ZDHHC4: variants seen among roughly 807,000 people sequenced by gnomAD.
ZDHHC4 encodes the protein zDHHC palmitoyltransferase 4.
ZDHHC4 carries 42 observed loss-of-function variants against 36.7 expected under a neutral mutation model. That is an observed-to-expected ratio of 1.14 (90% CI 0.89 to 1.48). ZDHHC4 has a LOEUF of 1.48. ZDHHC4 is among the 40% of genes most tolerant of loss of function. The pLI is 0.00. For missense variants in ZDHHC4, 457 were observed against 421.5 expected (o/e 1.08, Z -0.74); for synonymous variants, 189 against 166.6 (o/e 1.13, Z -1.03).
rs960920457 is a variant in ZDHHC4 at position 6,581,537 on chromosome 7, G to C, written c.118-70G>C. 25 of 1,175,708 alleles carry C rather than the reference G, an allele frequency of 2.1e-5. No homozygotes were observed. The Middle Eastern group carries it at 5.8e-4, about 27-fold the overall frequency. The allele number at this position is 1,175,708 out of a possible 1,614,324, so 72.8% of individuals were successfully genotyped here. On this transcript the variant is annotated intron_variant, in intron 3 of 7. Transcript: ENST00000335965. ...ACCCAGATTGCCAGCTGTATGTGGA[G>C]TGTCTGATTTGTTTGGGAGTGGAGG...
Position 6,588,807 on chromosome 7 carries a change from A to T in ZDHHC4, c.932A>T (p.Glu311Val). Residue 311 changes from glutamate to valine, a missense_variant, in exon 8 of 8, where the codon GAG becomes GTG. Physicochemically the swap from Glu to Val is moderately radical, Grantham distance 121 (BLOSUM62 -2). Transcript: ENST00000335965. ...CTTGTGGCCTGGCCTCCGTCAGCAG[A>T]GCCCCAAGTCCACCGGAACATTCAC... ...CPLVAWPPSA[E>V]PQVHRNIHSH... 1 of 1,614,144 alleles carries T rather than the reference A, an allele frequency of 6.2e-7. No individual in the cohort carries two copies. Among genetic ancestry groups the T allele is most frequent in the South Asian group, 1.1e-5 (1 of 91,076 alleles).
At position 6,588,854 on chromosome 7, in the gene ZDHHC4, C is replaced by G. The variant is rs781653397; in HGVS notation, c.979C>G (p.Leu327Val). 9.3e-6 allele frequency: 15 copies of G among 1,612,632 alleles called. No individual in the cohort carries two copies. Among genetic ancestry groups the G allele is most frequent in the Non-Finnish European group, 1.3e-5 (15 of 1,178,828 alleles). Residue 327 changes from leucine to valine, a missense_variant, in exon 8 of 8, where the codon CTT becomes GTT. Leu to Val is a conservative substitution (Grantham distance 32, BLOSUM62 1). Transcript: ENST00000335965. ...TCACTCCCATGGGCTTCGGAGCAACCTTCAAGAGATCTTTCTACCTGCCTT... is the reference window on the plus strand; with the variant it reads ...TCACTCCCATGGGCTTCGGAGCAACGTTCAAGAGATCTTTCTACCTGCCTT... ...NIHSHGLRSN[L>V]QEIFLPAFPC...
chr7:6,588,941 C>A lies in ZDHHC4; in HGVS notation c.*31C>A, dbSNP rs1281556729. The A allele has an allele frequency of 4.4e-6, 7 of 1,583,338 alleles. No homozygotes were observed. In the Admixed American group the frequency reaches 8.6e-5, roughly 19 times the overall value. ...GTATGACTGCCTTTGAGCTGTAGTT[C>A]CCGTTTATTTACACATGTGGATCCT... On this transcript the variant is annotated 3_prime_UTR_variant, in exon 8 of 8. Coordinates refer to ENST00000335965, the MANE Select transcript of ZDHHC4 (RefSeq NM_001134389.2).
At position 6,588,827 on chromosome 7, in the gene ZDHHC4, A is replaced by G. The variant is rs758655645; in HGVS notation, c.952A>G (p.Ile318Val). The G allele has an allele frequency of 6.2e-7, 1 of 1,614,184 alleles. No individual in the cohort carries two copies. The highest frequency in any genetic ancestry group is 1.1e-5 in the South Asian group (1 of 91,080). The part of the protein sequence containing the change: ...PSAEPQVHRN[I>V]HSHGLRSNLQ... The stretch of plus-strand genomic sequence containing the variant: ...AGCAGAGCCCCAAGTCCACCGGAAC[A>G]TTCACTCCCATGGGCTTCGGAGCAA... Residue 318 changes from isoleucine (I) to valine (V), a missense_variant, in exon 8 of 8, where the codon ATT (isoleucine) becomes GTT (valine). Transcript: ENST00000335965.
intron 6 of ZDHHC4, 185 bp from the exon 7 acceptor site, chr7:6,584,830 AC>A: frequency 5.3e-6 from 4 of 747,860 alleles, no homozygotes; most frequent in Non-Finnish European, 6.3e-6. Context: ...AGTGCTCAAT[AC>A]CCACATTTGG....
chr7:6,589,120 A>G lies in ZDHHC4; in HGVS notation c.*210A>G, dbSNP rs1781486617. 1.7e-6 allele frequency: 1 copy of G among 586,176 alleles called. No homozygotes were observed. Among genetic ancestry groups the G allele is most frequent in the Non-Finnish European group, 3.0e-6 (1 of 336,986 alleles). 36.3% of individuals were successfully genotyped at this position (586,176 alleles called of 1,614,324 possible). A position where few individuals can be genotyped will look rare whatever the true frequency, so the allele number is the denominator to read the frequency against. ...GGGCATCTCTGAAGTCCTGGTGTCA[A>G]GGGGATCAAGAGATGACTTCTCAGA... On this transcript the variant is annotated 3_prime_UTR_variant, in exon 8 of 8. Transcript: ENST00000335965.
Position 6,583,326 on chromosome 7 carries a change from G to A in ZDHHC4, c.391G>A (p.Glu131Lys). The A allele has an allele frequency of 2.5e-6, 4 of 1,613,776 alleles. No homozygotes were observed. Among genetic ancestry groups the A allele is most frequent in the Non-Finnish European group, 3.4e-6 (4 of 1,179,892 alleles). Residue 131 changes from glutamate to lysine, a missense_variant, in exon 6 of 8, where the codon GAA (glutamate) becomes AAA (lysine). By Grantham distance (56) the Glu-to-Lys change is moderately conservative. Coordinates refer to ENST00000335965, the MANE Select transcript of ZDHHC4 (RefSeq NM_001134389.2). ...CCCAGGCATTATAACAAAAGCAAAT[G>A]AATTATTATTTCTTCATGTTTATGA... is the stretch of plus-strand genomic sequence containing the variant. ...TNPGIITKANELLFLHVYEFD... is the reference protein window; with the variant it reads ...TNPGIITKANKLLFLHVYEFD...
chr7:6,588,950 T>A lies in ZDHHC4; in HGVS notation c.*40T>A, dbSNP rs569242853. On this transcript the variant is annotated 3_prime_UTR_variant, in exon 8 of 8. Transcript: ENST00000335965. ...CCTTTGAGCTGTAGTTCCCGTTTAT[T>A]TACACATGTGGATCCTCGTTTTCCA... is the stretch of plus-strand genomic sequence containing the variant. 1 of 1,578,152 alleles carries A rather than the reference T, an allele frequency of 6.3e-7. No homozygotes were observed. Among genetic ancestry groups the A allele is most frequent in the South Asian group, 1.1e-5 (1 of 87,940 alleles).
At chr7:6,577,955 C>T (rs1206999566) in intron 1 of ZDHHC4, among the ~76,000 whole-genome samples, 1 of 152,132 alleles carries the variant, frequency 6.6e-6, no homozygotes, top group Non-Finnish European at 1.5e-5. Context: ...TCAGCCTCCC[C>T]AGTAGCTTGG....
chr7:6,580,384 A>G (rs1431911602), intron 2 of ZDHHC4, among the ~76,000 whole-genome samples, 171 bp from the exon 3 acceptor site: 1 of 152,144 alleles, frequency 6.6e-6, no homozygotes, highest in Non-Finnish European at 1.5e-5. Context: ...ATGTGTGCCT[A>G]AGAATTGGTG....
At chr7:6,587,116 C>G (rs1781295918) in intron 7 of ZDHHC4, among the ~76,000 whole-genome samples, 1 of 151,146 alleles carries the variant, frequency 6.6e-6, no homozygotes, top group Admixed American at 6.6e-5. Flanking sequence ...ACCATCACAG[C>G]TCACTATGAC....
chr7:6,585,393 G>A (rs1781172403), intron 7 of ZDHHC4, 133 bp downstream of exon 7: 1 of 1,281,272 alleles, frequency 7.8e-7, no homozygotes, highest in Non-Finnish European at 1.1e-6. Context: ...GGAGGCCGAG[G>A]TGGGAGGATC....
intron 1 of ZDHHC4, 81 bp downstream of exon 1, chr7:6,577,579 C>G (rs1276332346): frequency 6.6e-6 from 1 of 152,324 alleles, no homozygotes; most frequent in Non-Finnish European, 1.5e-5. Flanking sequence ...TCCCTTTCCC[C>G]TTGTGTGTAG....
chr7:6,586,416 T>C (rs917127850), intron 7 of ZDHHC4, among the ~76,000 whole-genome samples: 3 of 152,208 alleles, frequency 2.0e-5, no homozygotes, highest in African/African-American at 7.2e-5. Flanking sequence ...TCTTTTCCAC[T>C]GGCTTCTTTC....
intron 2 of ZDHHC4, among the ~76,000 whole-genome samples, chr7:6,579,862 G>T (rs1007825096): frequency 6.6e-6 from 1 of 152,138 alleles, no homozygotes; most frequent in African/African-American, 2.4e-5. Flanking sequence ...TTGGGCAGGT[G>T]CAGTGGCTCA....
At chr7:6,585,386 G>A in intron 7 of ZDHHC4, 126 bp downstream of exon 7, 1 of 1,328,440 alleles carries the variant, frequency 7.5e-7, no homozygotes, top group Admixed American at 2.5e-5. Flanking sequence ...CACTTTTGGA[G>A]GCCGAGGTGG....
chr7:6,588,125 A>G (rs912699567), intron 7 of ZDHHC4, among the ~76,000 whole-genome samples: 1 of 152,188 alleles, frequency 6.6e-6, no homozygotes, highest in African/African-American at 2.4e-5. Context: ...TCGGCCTCCC[A>G]AAATGCTGGG....
chr7:6,586,734 C>T lies in ZDHHC4; in HGVS notation c.741+1474C>T, dbSNP rs184900128. Among the ~76,000 whole-genome samples, 17 of 152,314 alleles carry T rather than the reference C, an allele frequency of 1.1e-4. No homozygotes were observed. In the East Asian group the frequency reaches 3.3e-3, roughly 29 times the overall value. On this transcript the variant is annotated intron_variant, in intron 7 of 7. Coordinates refer to ENST00000335965, the MANE Select transcript of ZDHHC4 (RefSeq NM_001134389.2). Reference sequence around the variant, plus strand: ...CAAGTGATCCACCCGCCTCGGCCTCCCAAAGTGCTGGGATTACAGGCATGA... The same window carrying T: ...CAAGTGATCCACCCGCCTCGGCCTCTCAAAGTGCTGGGATTACAGGCATGA...
In ZDHHC4 at chr7:6,580,623, T is replaced by C. The variant is rs759836722; in HGVS notation, c.62T>C (p.Ile21Thr). ...TCGGTGCTGATGGGTCTTGTTCTTA[T>C]CTGCGTCTGCTCGAAAACCCATAGC... is the stretch of plus-strand genomic sequence containing the variant. ...LASVLMGLVL[I>T]CVCSKTHSLK... Residue 21 changes from isoleucine to threonine, a missense_variant, in exon 3 of 8, where the codon ATC becomes ACC. Transcript: ENST00000335965. 7.6e-5 allele frequency: 122 copies of C among 1,614,040 alleles called. No homozygotes were observed. Among genetic ancestry groups the C allele is most frequent in the Middle Eastern group, 3.3e-4 (2 of 6,084 alleles).
Sources: gnomAD v4.1 joint callset for allele counts (sites outside exome capture counted in the v4.1 genomes callset) on GRCh38, gnomAD v4.1.1 for gene constraint, MANE v1.5 for transcripts, NCBI Gene and HGNC (gene_info 2026-07-23, HGNC 2026-07-21) for gene names.